The following ARHGDIB variants were observed in gnomAD, a reference collection of about 807,000 sequenced individuals.
ARHGDIB encodes Rho GDP dissociation inhibitor beta.
A neutral mutation model predicts 22.6 loss-of-function variants in ARHGDIB; 20 were observed. That is an observed-to-expected ratio of 0.88 (90% CI 0.62 to 1.28). The LOEUF (loss-of-function observed/expected upper bound fraction) is 1.28, where lower values mean the gene tolerates loss of function less well. Ranked by LOEUF, ARHGDIB falls within the 50% of genes most tolerant of loss-of-function variation. The pLI, the probability that ARHGDIB is intolerant of heterozygous loss-of-function variation, is 0.00. For missense variants in ARHGDIB, 254 were observed against 245.4 expected, an observed-to-expected ratio of 1.04 and a Z score of -0.23; for synonymous variants, 114 against 96.1, an observed-to-expected ratio of 1.19 and a Z score of -1.09.
chr12:14,949,250 A>T (rs1434080850), intron 3 of ARHGDIB, among the ~76,000 whole-genome samples: 1 of 152,076 alleles, frequency 6.6e-6, no homozygotes, highest in Non-Finnish European at 1.5e-5. Flanking sequence ...GAAAGGCTTG[A>T]CCCTTAGTTA....
Position 14,950,453 on chromosome 12 carries a change from G to A in ARHGDIB, c.181+79C>T, listed in dbSNP as rs557765969. ...GGAAGCAGTTGGTCCTCTTCCCTTT[G>A]CTGCTGCTCCTGAGCAGCCAAAATG... On this transcript the variant is annotated intron_variant, in intron 2 of 5. Coordinates refer to ENST00000228945, the MANE Select transcript of ARHGDIB (RefSeq NM_001175.7). 246 of 1,320,028 alleles carry A rather than the reference G, an allele frequency of 1.9e-4. 4 individuals are homozygous for A. The South Asian group carries it at 3.0e-3, about 16-fold the overall frequency. The allele number at this position is 1,320,028 out of a possible 1,614,324, so 81.8% of individuals were successfully genotyped here.
intron 1 of ARHGDIB, among the ~76,000 whole-genome samples, chr12:14,952,799 A>C (rs58147853): frequency 0.012 from 1,881 of 152,336 alleles, 30 homozygotes; most frequent in African/African-American, 0.043. Context: ...CCCAGCCCCC[A>C]TGGTCAGGCC....
chr12:14,959,699 AAT>A (rs748172043), intron 1 of ARHGDIB, among the ~76,000 whole-genome samples: 29 of 152,144 alleles, frequency 1.9e-4, no homozygotes, highest in Admixed American at 6.5e-4. Flanking sequence ...ACAGAACCTT[AAT>A]GTTGCTCAGA....
In ARHGDIB at chr12:14,950,581, AC is replaced by A; in HGVS notation, c.131del (p.Ser44IlefsTer2). Reference sequence around the variant, plus strand: ...GCAGCGTTTTCTTGTACTTAATTAGACTCTCATCATCTTTGTCCATTTCCTG... The same window carrying A: ...GCAGCGTTTTCTTGTACTTAATTAGATCTCATCATCTTTGTCCATTTCCTG... ...ELQEMDKDDE[S>X]LIKYKKTLLG... On this transcript the variant is annotated frameshift_variant, in exon 2 of 6. Coordinates refer to ENST00000228945, the MANE Select transcript of ARHGDIB (RefSeq NM_001175.7). LOFTEE classifies it high-confidence loss of function. 1 of 1,613,348 alleles carries A rather than the reference AC, an allele frequency of 6.2e-7. No homozygotes were observed. Among genetic ancestry groups the A allele is most frequent in the Non-Finnish European group, 8.5e-7 (1 of 1,179,780 alleles).
At chr12:14,957,747 T>A (rs779470402) in intron 1 of ARHGDIB, among the ~76,000 whole-genome samples, 1 of 152,036 alleles carries the variant, frequency 6.6e-6, no homozygotes, top group Non-Finnish European at 1.5e-5. Context: ...AAGCTGGATC[T>A]GCAAAATTGT....
At position 14,942,361 on chromosome 12, in the gene ARHGDIB, A is replaced by C; in HGVS notation, c.*161T>G. 1.3e-6 allele frequency: 1 copy of C among 780,998 alleles called. No individual in the cohort carries two copies. Among genetic ancestry groups the C allele is most frequent in the Non-Finnish European group, 2.1e-6 (1 of 485,298 alleles). The allele number at this position is 780,998 out of a possible 1,614,324, so 48.4% of individuals were successfully genotyped here. On this transcript the variant is annotated 3_prime_UTR_variant, in exon 6 of 6. Transcript: ENST00000228945. Reference sequence around the variant, plus strand: ...AGCCCGGTTTTAAGCCTCTTGTTCTAGGGACCACGTTGAGTGACAGGGTGG... The same window carrying C: ...AGCCCGGTTTTAAGCCTCTTGTTCTCGGGACCACGTTGAGTGACAGGGTGG...
Position 14,944,806 on chromosome 12 carries a change from C to T in ARHGDIB, c.376G>A (p.Val126Ile), listed in dbSNP as rs774717840. The T allele has an allele frequency of 6.4e-5, 103 of 1,613,588 alleles. No individual in the cohort carries two copies. The highest frequency in any genetic ancestry group is 8.0e-5 in the Non-Finnish European group (94 of 1,179,740). The change falls in exon 5 of 6, where the codon GTT becomes ATT. Residue 126 changes from valine (V) to isoleucine (I), a missense_variant. Transcript: ENST00000228945. ...NRDIVSGLKY[V>I]QHTYRTGVKV... is the part of the protein sequence containing the mutation. ...ACCCCAGTCCTGTAGGTGTGCTGAACGTATTTCAGGCCTGACACAATATCC... is the reference window on the plus strand; with the variant it reads ...ACCCCAGTCCTGTAGGTGTGCTGAATGTATTTCAGGCCTGACACAATATCC...
chr12:14,950,569 GTACTTAATTAGACTCTCA>G lies in ARHGDIB; in HGVS notation c.126_143del (p.Glu43_Tyr48del). 6.2e-7 allele frequency: 1 copy of G among 1,613,842 alleles called. No homozygotes were observed. Among genetic ancestry groups the G allele is most frequent in the Non-Finnish European group, 8.5e-7 (1 of 1,179,892 alleles). ...GACCATCTCCCAGCAGCGTTTTCTT[GTACTTAATTAGACTCTCA>G]TCATCTTTGTCCATTTCCTGCAGCT... On this transcript the variant is annotated inframe_deletion, in exon 2 of 6. Coordinates refer to ENST00000228945, the MANE Select transcript of ARHGDIB (RefSeq NM_001175.7).
chr12:14,950,409 G>C, intron 2 of ARHGDIB, 123 bp downstream of exon 2: 2 of 792,354 alleles, frequency 2.5e-6, no homozygotes, highest in Middle Eastern at 7.4e-4. Flanking sequence ...TATAAATTGT[G>C]CCTCGCTCAC....
At chr12:14,951,653 G>C (rs1409165780) in intron 1 of ARHGDIB, among the ~76,000 whole-genome samples, 1 of 149,732 alleles carries the variant, frequency 6.7e-6, no homozygotes, top group African/African-American at 2.5e-5. Context: ...GCATACCCTG[G>C]AGTCTTCCTT....
intron 1 of ARHGDIB, among the ~76,000 whole-genome samples, chr12:14,956,902 A>G (rs955337456): frequency 2.8e-4 from 43 of 152,342 alleles, no homozygotes; most frequent in African/African-American, 9.1e-4. Context: ...GCACACATCA[A>G]TGTTTTTGCT....
At chr12:14,950,495 C>T (rs777376891) in intron 2 of ARHGDIB, 37 bp downstream of exon 2, 20 of 1,555,080 alleles carry the variant, frequency 1.3e-5, no homozygotes, top group South Asian at 1.1e-4. Flanking sequence ...TCCCTCTCAG[C>T]GATCTTCCAC....
intron 5 of ARHGDIB, among the ~76,000 whole-genome samples, chr12:14,944,155 C>T (rs983475270): frequency 6.0e-5 from 9 of 151,234 alleles, no homozygotes; most frequent in African/African-American, 2.2e-4. Flanking sequence ...ACCTTCCCGC[C>T]TCTCATTTCT....
chr12:14,957,876 G>GAGAA (rs1864334195), intron 1 of ARHGDIB, among the ~76,000 whole-genome samples: 2 of 137,500 alleles, frequency 1.5e-5, no homozygotes, highest in Non-Finnish European at 3.2e-5. Context: ...GAGAGAGAGA[G>GAGAA]GAGGGAGAAG....
chr12:14,951,520 CG>C (rs1864175739), intron 1 of ARHGDIB, among the ~76,000 whole-genome samples: 1 of 152,038 alleles, frequency 6.6e-6, no homozygotes, highest in African/African-American at 2.4e-5. Flanking sequence ...CAGACAAAAT[CG>C]TAAGTACAAA....
chr12:14,944,315 A>G (rs61922980), intron 5 of ARHGDIB, among the ~76,000 whole-genome samples: 5,905 of 152,026 alleles, frequency 0.039, 157 homozygotes, highest in Middle Eastern at 0.082. Context: ...TTTGTTAGGA[A>G]ATTGAGCATT....
At chr12:14,949,637 A>G (rs1394057559) in intron 3 of ARHGDIB, among the ~76,000 whole-genome samples, 165 bp downstream of exon 3, 1 of 152,202 alleles carries the variant, frequency 6.6e-6, no homozygotes, top group Non-Finnish European at 1.5e-5. Context: ...TTTTCATGAA[A>G]CATGGTAAAT....
In ARHGDIB at chr12:14,961,536, C is replaced by T. The variant is rs1461805909; in HGVS notation, c.-13+1G>A. The T allele has an allele frequency of 6.6e-6, 1 of 152,288 alleles. No individual in the cohort carries two copies. Among genetic ancestry groups the T allele is most frequent in the Non-Finnish European group, 1.5e-5 (1 of 68,098 alleles). The allele number at this position is 152,288 out of a possible 1,614,324, so 9.4% of individuals were successfully genotyped here. A position where few individuals can be genotyped will look rare whatever the true frequency, so the allele number is the denominator to read the frequency against. ...CCCCAGCCCGAGGTATTTGAACTTA[C>T]ATTCAGTGCTTCACGTCTCTGTCCG... On this transcript the variant is annotated splice_donor_variant, in intron 1 of 5. Transcript: ENST00000228945. LOFTEE classifies it low-confidence loss of function (5UTR_SPLICE).
At chr12:14,945,354 C>A (rs905208313) in intron 4 of ARHGDIB, among the ~76,000 whole-genome samples, 1 of 152,198 alleles carries the variant, frequency 6.6e-6, no homozygotes, top group East Asian at 1.9e-4. Flanking sequence ...GCTGTGACTG[C>A]AATATAACTG....
Sources: allele counts gnomAD v4.1 joint callset (sites outside exome capture counted in the v4.1 genomes callset), GRCh38; gene constraint gnomAD v4.1.1; transcripts MANE v1.5; gene names NCBI Gene and HGNC (gene_info 2026-07-23, HGNC 2026-07-21).